Variants in NKAIN2 observed in about 807,000 individuals in gnomAD.
NKAIN2 encodes sodium/potassium transporting ATPase interacting 2.
A neutral mutation model predicts 32.6 loss-of-function variants in NKAIN2; 14 were observed. That is an observed-to-expected ratio of 0.43 (90% CI 0.28 to 0.67). The LOEUF (loss-of-function observed/expected upper bound fraction) is 0.67. Among genes scored for constraint, NKAIN2 ranks in the 30% least tolerant of loss-of-function variants. The pLI, the probability that NKAIN2 is intolerant of heterozygous loss-of-function variation, is 0.17. For missense variants in NKAIN2, 198 were observed against 258.3 expected (o/e 0.77, Z 1.60); for synonymous variants, 80 against 87.2 (o/e 0.92, Z 0.46).
At chr6:124,817,023 A>T (rs914922779) in intron 5 of NKAIN2, among the ~76,000 whole-genome samples, 6 of 152,186 alleles carry the variant, frequency 3.9e-5, no homozygotes, top group African/African-American at 1.4e-4. Flanking sequence ...TTAATAACTC[A>T]GACAGGCACA....
At chr6:124,046,076 C>A (rs144636267) in intron 1 of NKAIN2, among the ~76,000 whole-genome samples, 64 of 151,216 alleles carry the variant, frequency 4.2e-4, no homozygotes, top group Middle Eastern at 3.4e-3. Context: ...TACACATTAT[C>A]TTTTTTTTTC....
chr6:124,465,028 T>C (rs993143526), intron 3 of NKAIN2, among the ~76,000 whole-genome samples: 1 of 152,100 alleles, frequency 6.6e-6, no homozygotes, highest in Non-Finnish European at 1.5e-5. Context: ...TTTGATTATG[T>C]CCTCTCTTAT....
Position 124,607,418 on chromosome 6 carries a change from C to G in NKAIN2, c.274-50768C>G, listed in dbSNP as rs1029144597. ...AGCAGGAAAGTAATCTGATTGGCTACAGCTAGGTGTCTGCCTTATTTGGGC... is the reference window on the plus strand; with the variant it reads ...AGCAGGAAAGTAATCTGATTGGCTAGAGCTAGGTGTCTGCCTTATTTGGGC... On this transcript the variant is annotated intron_variant, in intron 3 of 6. Transcript: ENST00000368417. Among the ~76,000 whole-genome samples, 4 of 152,196 alleles carry G rather than the reference C, an allele frequency of 2.6e-5. No homozygotes were observed. In the East Asian group the frequency reaches 7.7e-4, roughly 29 times the overall value.
chr6:124,477,667 C>T (rs1417997464), intron 3 of NKAIN2, among the ~76,000 whole-genome samples: 3 of 144,580 alleles, frequency 2.1e-5, no homozygotes, highest in South Asian at 2.4e-4. Flanking sequence ...TTATCCTTCC[C>T]CTTCTCCTTT....
chr6:124,443,310 G>A (rs1371973973), intron 3 of NKAIN2, among the ~76,000 whole-genome samples: 2 of 152,198 alleles, frequency 1.3e-5, no homozygotes, highest in East Asian at 3.9e-4. Flanking sequence ...AGTGAACAAA[G>A]ATGATATTCT....
chr6:124,343,666 T>G (rs917381328), intron 2 of NKAIN2, among the ~76,000 whole-genome samples: 31 of 149,278 alleles, frequency 2.1e-4, no homozygotes, highest in Non-Finnish European at 3.9e-4. Context: ...TCGCCCACTT[T>G]TTGATGGGGT....
chr6:124,267,453 G>A (rs1166851789), intron 1 of NKAIN2, among the ~76,000 whole-genome samples: 1 of 146,362 alleles, frequency 6.8e-6, no homozygotes, highest in Non-Finnish European at 1.5e-5. Context: ...AGACCAGCGT[G>A]GCCAATAATA....
chr6:123,983,050 G>A (rs1778973260), intron 1 of NKAIN2, among the ~76,000 whole-genome samples: 1 of 149,044 alleles, frequency 6.7e-6, no homozygotes, highest in Non-Finnish European at 1.5e-5. Context: ...GGCTGTGGGA[G>A]TGAGGAAGAG....
intron 2 of NKAIN2, among the ~76,000 whole-genome samples, chr6:124,294,808 G>A (rs973217697): frequency 6.6e-6 from 1 of 151,984 alleles, no homozygotes; most frequent in Non-Finnish European, 1.5e-5. Context: ...GGAACTCCAT[G>A]CCCAGTAAGA....
intron 3 of NKAIN2, among the ~76,000 whole-genome samples, chr6:124,558,844 G>A (rs1318653047): frequency 6.6e-6 from 1 of 152,158 alleles, no homozygotes; most frequent in African/African-American, 2.4e-5. Flanking sequence ...AGCTACCCGG[G>A]AGGCTGAGGC....
At chr6:124,785,309 T>C (rs1190860942) in intron 4 of NKAIN2, among the ~76,000 whole-genome samples, 7 of 152,164 alleles carry the variant, frequency 4.6e-5, no homozygotes, top group Non-Finnish European at 1.0e-4. Flanking sequence ...TCAGGCATGT[T>C]TGTAATTGCT....
At chr6:124,052,800 A>T (rs559885959) in intron 1 of NKAIN2, among the ~76,000 whole-genome samples, 10 of 152,062 alleles carry the variant, frequency 6.6e-5, no homozygotes, top group Non-Finnish European at 1.2e-4. Flanking sequence ...GGGGACAAAA[A>T]GTCTTGTATT....
At chr6:124,512,473 G>A (rs913166463) in intron 3 of NKAIN2, among the ~76,000 whole-genome samples, 2 of 152,206 alleles carry the variant, frequency 1.3e-5, no homozygotes, top group African/African-American at 2.4e-5. Flanking sequence ...TCAATTATCT[G>A]TATTTTAAAG....
At chr6:124,332,204 C>A (rs575246885) in intron 2 of NKAIN2, among the ~76,000 whole-genome samples, 1 of 151,348 alleles carries the variant, frequency 6.6e-6, no homozygotes, top group Non-Finnish European at 1.5e-5. Context: ...CAAGTTCATG[C>A]ATATATATGT....
intron 1 of NKAIN2, among the ~76,000 whole-genome samples, chr6:124,236,593 C>T (rs1792778056): frequency 6.6e-6 from 1 of 152,244 alleles, no homozygotes; most frequent in South Asian, 2.1e-4. Flanking sequence ...TGGAGTTAAA[C>T]TATGTGTCAA....
intron 3 of NKAIN2, among the ~76,000 whole-genome samples, chr6:124,494,574 G>C (rs531957693): frequency 6.6e-6 from 1 of 152,174 alleles, no homozygotes; most frequent in African/African-American, 2.4e-5. Context: ...CTAAAGCTTT[G>C]TAAATATATT....
chr6:124,338,416 T>C (rs1284345230), intron 2 of NKAIN2, among the ~76,000 whole-genome samples: 1 of 152,192 alleles, frequency 6.6e-6, no homozygotes, highest in Non-Finnish European at 1.5e-5. Context: ...TTTGATGATA[T>C]CATGTAATTC....
chr6:124,054,944 G>A (rs941003555), intron 1 of NKAIN2, among the ~76,000 whole-genome samples: 21 of 151,978 alleles, frequency 1.4e-4, no homozygotes, highest in African/African-American at 4.1e-4. Flanking sequence ...AGAATTTCTG[G>A]ATGGAATATT....
At chr6:123,934,668 C>A (rs773351977) in intron 1 of NKAIN2, among the ~76,000 whole-genome samples, 20 of 151,940 alleles carry the variant, frequency 1.3e-4, no homozygotes, top group South Asian at 8.3e-4. Context: ...ATAAATAACT[C>A]TAAAAAATAA....
Sources: gnomAD v4.1 joint callset for allele counts (sites outside exome capture counted in the v4.1 genomes callset) on GRCh38, gnomAD v4.1.1 for gene constraint, MANE v1.5 for transcripts, NCBI Gene and HGNC (gene_info 2026-07-23, HGNC 2026-07-21) for gene names.